LLGL2: variants seen among roughly 807,000 people sequenced by gnomAD.
LLGL2 encodes LLGL2, scribble cell polarity complex component.
LLGL2 carries 81 observed loss-of-function variants against 123.2 expected under a neutral mutation model. The ratio of observed to expected loss-of-function variants is 0.66; its 90% confidence interval spans 0.55 to 0.79. The LOEUF is 0.79. Among genes scored for constraint, LLGL2 ranks in the 30% least tolerant of loss-of-function variants. The pLI is 0.00. For missense variants in LLGL2, 1,273 were observed against 1,414.6 expected, an observed-to-expected ratio of 0.90 and a Z score of 1.61; for synonymous variants, 577 against 594.1, an observed-to-expected ratio of 0.97 and a Z score of 0.42.
At chr17:75,535,932 G>A (rs62088475) in intron 1 of LLGL2, among the ~76,000 whole-genome samples, 3 of 152,214 alleles carry the variant, frequency 2.0e-5, no homozygotes, top group East Asian at 3.8e-4. Flanking sequence ...GAAACAGGTC[G>A]ATCAGCTGCC....
chr17:75,547,810 G>C (rs2054492933), intron 2 of LLGL2, among the ~76,000 whole-genome samples: 1 of 139,852 alleles, frequency 7.2e-6, no homozygotes, highest in Non-Finnish European at 1.5e-5. Context: ...GGGTGACAGA[G>C]TGAGACCCTG....
At chr17:75,570,814 C>T (rs2055670711) in intron 16 of LLGL2, 136 bp from the exon 17 acceptor site, 5 of 1,173,886 alleles carry the variant, frequency 4.3e-6, no homozygotes, top group Non-Finnish European at 4.8e-6. Context: ...GGACAAGGGT[C>T]CCTCTAGACG....
chr17:75,573,013 G>A lies in LLGL2; in HGVS notation c.2461-1G>A. On this transcript the variant is annotated splice_acceptor_variant, in intron 19 of 25. Coordinates refer to ENST00000392550, the MANE Select transcript of LLGL2 (RefSeq NM_001031803.2). LOFTEE classifies it high-confidence loss of function. ...CATGAACAACCACCCCACGCCCCCA[G>A]GTGTTCACGCTGCCCAAGGTGAGTG... is the stretch of plus-strand genomic sequence containing the variant. 6.2e-7 allele frequency: 1 copy of A among 1,601,794 alleles called. No homozygotes were observed. Among genetic ancestry groups the A allele is most frequent in the Non-Finnish European group, 8.5e-7 (1 of 1,171,546 alleles).
In LLGL2 at chr17:75,574,232, G is replaced by A; in HGVS notation, c.2925G>A (p.Val975=). 1 of 1,459,804 alleles carries A rather than the reference G, an allele frequency of 6.9e-7. No homozygotes were observed. The allele number at this position is 1,459,804 out of a possible 1,614,324, so 90.4% of individuals were successfully genotyped here. A position where few individuals can be genotyped will look rare whatever the true frequency, so the allele number is the denominator to read the frequency against. The change falls in exon 23 of 26, where the codon GTG becomes GTA. Residue 975 remains valine (V), a synonymous_variant. Transcript: ENST00000392550. ...TTCCAGAGAAGCAGCCCGGCCTGGT[G>A]ATGGAGCGCGCTCTGCTCAGTGATG... is the stretch of plus-strand genomic sequence containing the variant. ...SDGEEKQPGL[V]MERALLSDER... is the part of the protein sequence containing the mutation.
At chr17:75,574,315 G>C in intron 23 of LLGL2, 55 bp downstream of exon 23, 1 of 1,521,842 alleles carries the variant, frequency 6.6e-7, no homozygotes, top group Non-Finnish European at 8.8e-7. Context: ...AGGGGGGTCA[G>C]GGTCAAGGGA....
Position 75,568,988 on chromosome 17 carries a change from G to T in LLGL2, c.1333G>T (p.Gly445Cys). 6.2e-7 allele frequency: 1 copy of T among 1,612,550 alleles called. No homozygotes were observed. Among genetic ancestry groups the T allele is most frequent in the Non-Finnish European group, 8.5e-7 (1 of 1,179,384 alleles). ...GGGTTCTGCCCACAGGCACGAGGAC[G>T]GCACGGTGCGGTTCTGGGATGCCTC... ...RDLLLTGHEDGTVRFWDASGV... is the reference protein window; with the variant it reads ...RDLLLTGHEDCTVRFWDASGV... The change falls in exon 13 of 26, where the codon GGC (glycine) becomes TGC (cysteine). Residue 445 changes from glycine (G) to cysteine (C), a missense_variant. Physicochemically the swap from Gly to Cys is radical, Grantham distance 159. Transcript: ENST00000392550.
chr17:75,527,167 CAAAAA>C (rs200100321), intron 1 of LLGL2, among the ~76,000 whole-genome samples: 3 of 129,808 alleles, frequency 2.3e-5, no homozygotes, highest in Non-Finnish European at 4.8e-5. Flanking sequence ...GACCCTGTCT[CAAAAA>C]AAAAAAAAAA....
rs565546095 is a variant in LLGL2 at position 75,536,087 on chromosome 17, A to G, written c.-30-7310A>G. Among the ~76,000 whole-genome samples the G allele has an allele frequency of 2.6e-5, 4 of 152,334 alleles. No homozygotes were observed. In the East Asian group the frequency reaches 7.7e-4, roughly 29 times the overall value. Reference sequence around the variant, plus strand: ...AAAAGGGAACAGAGCAGGGCAGAACAGGGAGGGTGGCTCAGAGGCTGGTCT... The same window carrying G: ...AAAAGGGAACAGAGCAGGGCAGAACGGGGAGGGTGGCTCAGAGGCTGGTCT... On this transcript the variant is annotated intron_variant, in intron 1 of 25. Transcript: ENST00000392550.
rs2054227099 is a variant in LLGL2 at position 75,541,922 on chromosome 17, G to T, written c.-30-1475G>T. Among the ~76,000 whole-genome samples the T allele has an allele frequency of 3.3e-5, 5 of 151,738 alleles. No homozygotes were observed. In the South Asian group the frequency reaches 1.0e-3, roughly 32 times the overall value. Reference sequence around the variant, plus strand: ...CTTTTTGTATTTTTAGTAGAGACGAGGTTTCACCATGTTGGCCAGGCTGGT... The same window carrying T: ...CTTTTTGTATTTTTAGTAGAGACGATGTTTCACCATGTTGGCCAGGCTGGT... On this transcript the variant is annotated intron_variant, in intron 1 of 25. Coordinates refer to ENST00000392550, the MANE Select transcript of LLGL2 (RefSeq NM_001031803.2).
chr17:75,553,205 C>G (rs1272848653), intron 2 of LLGL2, among the ~76,000 whole-genome samples: 1 of 152,250 alleles, frequency 6.6e-6, no homozygotes, highest in Admixed American at 6.5e-5. Flanking sequence ...TGAACAGGGA[C>G]CTGGGCTGGC....
chr17:75,562,861 C>T (rs530709837), intron 6 of LLGL2, 155 bp from the exon 7 acceptor site: 30 of 925,074 alleles, frequency 3.2e-5, no homozygotes, highest in Non-Finnish European at 3.7e-5. Flanking sequence ...TGAGCCACCA[C>T]GCTCGGCCAT....
At chr17:75,542,132 G>A (rs1008530333) in intron 1 of LLGL2, among the ~76,000 whole-genome samples, 33 of 152,010 alleles carry the variant, frequency 2.2e-4, no homozygotes, top group African/African-American at 8.0e-4. Flanking sequence ...CTTCTCCCAC[G>A]CTGCCCAGAT....
At chr17:75,571,368 C>T (rs978468797) in intron 17 of LLGL2, 38 of 579,642 alleles carry the variant, frequency 6.6e-5, no homozygotes, top group Middle Eastern at 4.5e-4. Context: ...AGGGCCTCAG[C>T]TTGCTTCTCT....
At chr17:75,546,276 A>G (rs2054419368) in intron 2 of LLGL2, 1 of 152,506 alleles carries the variant, frequency 6.6e-6, no homozygotes, top group Non-Finnish European at 1.5e-5. Context: ...TTTGGACACA[A>G]TCGCAACAAC....
Position 75,570,980 on chromosome 17 carries a change from C to A in LLGL2, c.2056C>A (p.Pro686Thr). 1 of 1,612,024 alleles carries A rather than the reference C, an allele frequency of 6.2e-7. No homozygotes were observed. Among genetic ancestry groups the A allele is most frequent in the Non-Finnish European group, 8.5e-7 (1 of 1,179,410 alleles). The part of the protein sequence containing the change: ...AQEGSAKAER[P>T]GLQNMELAPV... ...GGAGGGGAGTGCCAAGGCTGAGCGGCCAGGCCTCCAGAACATGGAGCTGGC... is the reference window on the plus strand; with the variant it reads ...GGAGGGGAGTGCCAAGGCTGAGCGGACAGGCCTCCAGAACATGGAGCTGGC... Residue 686 changes from proline to threonine, a missense_variant, in exon 17 of 26, where the codon CCA (proline) becomes ACA (threonine). By Grantham distance (38) the Pro-to-Thr change is conservative. Transcript: ENST00000392550.
intron 1 of LLGL2, among the ~76,000 whole-genome samples, chr17:75,528,410 C>T (rs1051097055): frequency 1.2e-4 from 18 of 152,194 alleles, no homozygotes; most frequent in African/African-American, 3.1e-4. Context: ...CCACCGCGCC[C>T]GGCCTTAAAT....
chr17:75,560,880 G>A (rs1010933077), intron 6 of LLGL2, among the ~76,000 whole-genome samples: 31 of 136,592 alleles, frequency 2.3e-4, no homozygotes, highest in Non-Finnish European at 4.4e-4. Context: ...GTCCCAGGCC[G>A]AAGTGCAGTG....
At chr17:75,539,568 A>G (rs2054131842) in intron 1 of LLGL2, among the ~76,000 whole-genome samples, 1 of 149,400 alleles carries the variant, frequency 6.7e-6, no homozygotes, top group South Asian at 2.1e-4. Flanking sequence ...GATCAGAGAT[A>G]GTCCTGACCT....
chr17:75,553,128 G>A (rs1260594953), intron 2 of LLGL2, among the ~76,000 whole-genome samples: 3 of 152,364 alleles, frequency 2.0e-5, no homozygotes, highest in East Asian at 1.9e-4. Context: ...CCTGGGAAAT[G>A]TTTACATTCC....
Sources: gnomAD v4.1 joint callset for allele counts (sites outside exome capture counted in the v4.1 genomes callset) on GRCh38, gnomAD v4.1.1 for gene constraint, MANE v1.5 for transcripts, NCBI Gene and HGNC (gene_info 2026-07-23, HGNC 2026-07-21) for gene names.